The following TTN variants were observed in gnomAD, a reference collection of about 807,000 sequenced individuals.
TTN encodes titin.
A neutral mutation model predicts 3,223.0 loss-of-function variants in TTN; 1,525 were observed. The ratio of observed to expected loss-of-function variants is 0.47; its 90% CI spans 0.45 to 0.49. The LOEUF is 0.49. TTN is among the 20% of genes least tolerant of loss of function. The pLI is 0.00. For missense variants in TTN, 40,786 were observed against 43,424.0 expected (o/e 0.94, Z 5.40); for synonymous variants, 14,094 against 15,161.0 (o/e 0.93, Z 5.17).
Position 178,539,820 on chromosome 2 carries a change from C to T in TTN, c.98245G>A (p.Ala32749Thr), listed in dbSNP as rs1693506739. 6.2e-7 allele frequency: 1 copy of T among 1,613,874 alleles called. No individual in the cohort carries two copies. Among genetic ancestry groups the T allele is most frequent in the Non-Finnish European group, 8.5e-7 (1 of 1,179,790 alleles). ...TKEGQDISKR[A>T]MIATSETHTE... ...TGTGTTTCAGATGTTGCAATCATGGCACGCTTACTAATATCCTGGCCTTCC... is the reference window on the plus strand; with the variant it reads ...TGTGTTTCAGATGTTGCAATCATGGTACGCTTACTAATATCCTGGCCTTCC... Residue 32749 changes from alanine to threonine, a missense_variant, in exon 352 of 363, where the codon GCC (alanine) becomes ACC (threonine). Transcript: ENST00000589042.
chr2:178,650,980 C>CTGT, intron 208 of TTN, 146 bp from the exon 209 acceptor site: 2 of 882,434 alleles, frequency 2.3e-6, no homozygotes, highest in South Asian at 3.4e-5. Context: ...GTCTTTGGAC[C>CTGT]CTCATATAGT....
Position 178,679,420 on chromosome 2 carries a change from T to A in TTN, c.33665-4A>T. The A allele has an allele frequency of 1.9e-6, 3 of 1,612,036 alleles. No individual in the cohort carries two copies. Among genetic ancestry groups the A allele is most frequent in the Non-Finnish European group, 2.5e-6 (3 of 1,178,952 alleles). The stretch of plus-strand genomic sequence containing the variant: ...GGCTTCTTAGGAACCTCAGGCACTT[T>A]AAAGATATTGTTTATTGTTAAGTTC... On this transcript the variant is annotated splice_region_variant and splice_polypyrimidine_tract_variant and intron_variant, in intron 141 of 362. Coordinates refer to ENST00000589042, the MANE Select transcript of TTN (RefSeq NM_001267550.2).
At position 178,535,999 on chromosome 2, in the gene TTN, G is replaced by T; in HGVS notation, c.100748C>A (p.Ala33583Asp). ...ATTTTTACCTTCCACTTCCAAGGAG[G>T]CAGTGCCAGACACAGATCCCCCTTG... ...TNQGGSVSGTASLEVEVPAKI... is the reference protein window; with the variant it reads ...TNQGGSVSGTDSLEVEVPAKI... The change falls in exon 357 of 363, where the codon GCC (alanine) becomes GAC (aspartate). Residue 33583 changes from alanine to aspartate, a missense_variant. Transcript: ENST00000589042. 2 of 1,535,060 alleles carry T rather than the reference G, an allele frequency of 1.3e-6. No individual in the cohort carries two copies. The highest frequency in any genetic ancestry group is 1.3e-5 in the South Asian group (1 of 76,172).
rs187301656 is a variant in TTN at position 178,550,264 on chromosome 2, A to G, written c.91574T>C (p.Ile30525Thr). Reference sequence around the variant, plus strand: ...AAAGTATTCAGGGCCAAACTCTACTATTGGTGGAACTATAAAAGAAAGAGA... The same window carrying G: ...AAAGTATTCAGGGCCAAACTCTACTGTTGGTGGAACTATAAAAGAAAGAGA... ...IMTRDENVPP[I>T]VEFGPEYFDG... Residue 30525 changes from isoleucine (I) to threonine (T), a missense_variant, in exon 337 of 363, where the codon ATA becomes ACA. By Grantham distance (89) the Ile-to-Thr change is moderately conservative. Transcript: ENST00000589042. The G allele has an allele frequency of 1.2e-6, 2 of 1,608,134 alleles. No homozygotes were observed. Among genetic ancestry groups the G allele is most frequent in the East Asian group, 2.2e-5 (1 of 44,798 alleles).
intron 47 of TTN, chr2:178,749,494 T>A: frequency 6.2e-7 from 1 of 1,612,900 alleles, no homozygotes; most frequent in Non-Finnish European, 8.5e-7. Flanking sequence ...TTACTGAATA[T>A]TCTTTTACAT....
At chr2:178,746,318 G>T (rs1574169529) in intron 47 of TTN, 1 of 1,612,334 alleles carries the variant, frequency 6.2e-7, no homozygotes, top group Non-Finnish European at 8.5e-7. Context: ...TCCCTCCCTT[G>T]AATCCATATT....
rs1461818483 is a variant in TTN at position 178,530,409 on chromosome 2, T to C, written c.106206A>G (p.Ser35402=). 2 of 1,613,904 alleles carry C rather than the reference T, an allele frequency of 1.2e-6. No individual in the cohort carries two copies. The highest frequency in any genetic ancestry group is 2.7e-5 in the African/African-American group (2 of 74,946). Residue 35402 remains serine, a synonymous_variant, in exon 358 of 363, where the codon TCA becomes TCG. Coordinates refer to ENST00000589042, the MANE Select transcript of TTN (RefSeq NM_001267550.2). ...TTGGTTCAGTTTTTCTGGTTACTGT[T>C]GACTCAGTGGTTTTCTGATCTGATT... ...TKKSDQKTTE[S]TVTRKTEPKA...
chr2:178,570,178 C>A lies in TTN; in HGVS notation c.75954G>T (p.Lys25318Asn), dbSNP rs1001852514. 51 of 1,613,354 alleles carry A rather than the reference C, an allele frequency of 3.2e-5. No individual in the cohort carries two copies. Among genetic ancestry groups the A allele is most frequent in the Non-Finnish European group, 4.2e-5 (50 of 1,179,626 alleles). ...PKAPEVTTVTKDSMIVVWERP... is the reference protein window; with the variant it reads ...PKAPEVTTVTNDSMIVVWERP... ...TTTCCCATACAACAATCATTGAGTC[C>A]TTGGTCACTGTTGTGACTTCTGGAG... is the stretch of plus-strand genomic sequence containing the variant. The change falls in exon 326 of 363, where the codon AAG (lysine) becomes AAT (asparagine). Residue 25318 changes from lysine (K) to asparagine (N), a missense_variant. Physicochemically the swap from Lys to Asn is moderately conservative, Grantham distance 94. Coordinates refer to ENST00000589042, the MANE Select transcript of TTN (RefSeq NM_001267550.2).
intron 47 of TTN, chr2:178,748,756 C>T (rs755788329): frequency 1.2e-5 from 19 of 1,612,288 alleles, no homozygotes; most frequent in East Asian, 6.7e-5. Context: ...CCTGTTGTTC[C>T]CTTTCTTGTG....
rs374479236 is a variant in TTN, at chr2:178,794,912, C to G, written c.1245+10G>C. The stretch of plus-strand genomic sequence containing the variant: ...TGAAATAAGGAAAAACAAAACCATT[C>G]TGACAGTACCTCTTTAGCACCAGTG... On this transcript the variant is annotated intron_variant, in intron 7 of 362. Coordinates refer to ENST00000589042, the MANE Select transcript of TTN (RefSeq NM_001267550.2). 6.2e-7 allele frequency: 1 copy of G among 1,600,498 alleles called. No individual in the cohort carries two copies. The highest frequency in any genetic ancestry group is 8.5e-7 in the Non-Finnish European group (1 of 1,179,922).
rs2056805723 is a variant in TTN at position 178,613,894 on chromosome 2, A to G, written c.49389T>C (p.Thr16463=). Residue 16463 remains threonine, a synonymous_variant, in exon 263 of 363, where the codon ACT becomes ACC. Coordinates refer to ENST00000589042, the MANE Select transcript of TTN (RefSeq NM_001267550.2). ...ACCATGTGAGAGTCACTGCGTCTTT[A>G]GTGATATCAGAAGGTTCTAGGCGAG... ...PPTRLEPSDI[T]KDAVTLTWCE... 2 of 1,610,516 alleles carry G rather than the reference A, an allele frequency of 1.2e-6. No homozygotes were observed. The highest frequency in any genetic ancestry group is 1.7e-6 in the Non-Finnish European group (2 of 1,178,262).
chr2:178,630,689 T>A, intron 238 of TTN, 115 bp downstream of exon 238: 1 of 1,458,614 alleles, frequency 6.9e-7, no homozygotes, highest in Non-Finnish European at 9.3e-7. Context: ...GCTTAGGGTC[T>A]GATAGAGAAA....
chr2:178,681,850 A>G (rs1560339294), intron 135 of TTN, 112 bp from the exon 136 acceptor site: 2 of 846,698 alleles, frequency 2.4e-6, no homozygotes, highest in East Asian at 6.3e-5. Context: ...GTATAGCCAT[A>G]GCCTATTGAA....
Position 178,547,215 on chromosome 2 carries a change from C to A in TTN, c.94310G>T (p.Gly31437Val), listed in dbSNP as rs1313606225. Residue 31437 changes from glycine (G) to valine (V), a missense_variant, in exon 340 of 363, where the codon GGC (glycine) becomes GTC (valine). By Grantham distance (109) the Gly-to-Val change is moderately radical. Transcript: ENST00000589042. ...AACCCAGTAGCCAATGATTTTACTG[C>A]CACCATCGTGGTAGGGTTCTTCCCA... is the stretch of plus-strand genomic sequence containing the variant. ...IRWEEPYHDG[G>V]SKIIGYWVEK... 3.7e-6 allele frequency: 6 copies of A among 1,613,682 alleles called. No individual in the cohort carries two copies. The highest frequency in any genetic ancestry group is 5.1e-6 in the Non-Finnish European group (6 of 1,179,760).
rs572145452 is a variant in TTN at position 178,719,019 on chromosome 2, C to T, written c.24227-46G>A. 17 of 1,529,454 alleles carry T rather than the reference C, an allele frequency of 1.1e-5. No homozygotes were observed. In the African/African-American group the frequency reaches 2.2e-4, roughly 20 times the overall value. 94.7% of individuals were successfully genotyped at this position (1,529,454 alleles called of 1,614,324 possible). On this transcript the variant is annotated intron_variant, in intron 83 of 362. Transcript: ENST00000589042. ...GGGGAGATAAAGAGAAGAAAGAAATCCAAGTGAGAAGTGCTTTTGCTCCTT... is the reference window on the plus strand; with the variant it reads ...GGGGAGATAAAGAGAAGAAAGAAATTCAAGTGAGAAGTGCTTTTGCTCCTT...
In TTN at chr2:178,767,902, A is replaced by C. The variant is rs2090779143; in HGVS notation, c.9328T>G (p.Tyr3110Asp). 2 of 1,613,884 alleles carry C rather than the reference A, an allele frequency of 1.2e-6. No homozygotes were observed. Among genetic ancestry groups the C allele is most frequent in the African/African-American group, 2.7e-5 (2 of 74,888 alleles). Residue 3110 changes from tyrosine to aspartate, a missense_variant, in exon 40 of 363, where the codon TAT becomes GAT. By Grantham distance (160) the Tyr-to-Asp change is radical. Coordinates refer to ENST00000589042, the MANE Select transcript of TTN (RefSeq NM_001267550.2). ...TDRIKIQKEK[Y>D]VHRLLIPSTR... ...GATGGGATCAGAAGGCGGTGGACAT[A>C]TTTCTCCTTCTGAATCTTTATTCTA...
At position 178,613,879 on chromosome 2, in the gene TTN, A is replaced by G; in HGVS notation, c.49404T>C (p.Thr16468=). ...CATCATCTGGCTCACACCATGTGAGAGTCACTGCGTCTTTAGTGATATCAG... is the reference window on the plus strand; with the variant it reads ...CATCATCTGGCTCACACCATGTGAGGGTCACTGCGTCTTTAGTGATATCAG... ...EPSDITKDAV[T]LTWCEPDDDG... is the part of the protein sequence containing the mutation. Residue 16468 remains threonine, a synonymous_variant, in exon 263 of 363, where the codon ACT becomes ACC. Transcript: ENST00000589042. 6.2e-7 allele frequency: 1 copy of G among 1,611,270 alleles called. No homozygotes were observed. The highest frequency in any genetic ancestry group is 8.5e-7 in the Non-Finnish European group (1 of 1,178,630).
In TTN at chr2:178,559,673, G is replaced by C. The variant is rs1212262872; in HGVS notation, c.86459C>G (p.Ser28820Cys). The change falls in exon 326 of 363, where the codon TCT becomes TGT. Residue 28820 changes from serine to cysteine, a missense_variant. Coordinates refer to ENST00000589042, the MANE Select transcript of TTN (RefSeq NM_001267550.2). ...CTGAATTGTTAATGTGTACTTTCCAGAGTCATTTCTGTTGGCATTTTCAAT... is the reference window on the plus strand; with the variant it reads ...CTGAATTGTTAATGTGTACTTTCCACAGTCATTTCTGTTGGCATTTTCAAT... ...LTIENANRND[S>C]GKYTLTIQNV... 6.2e-7 allele frequency: 1 copy of C among 1,611,796 alleles called. No homozygotes were observed. Among genetic ancestry groups the C allele is most frequent in the African/African-American group, 1.3e-5 (1 of 74,962 alleles).
At position 178,572,569 on chromosome 2, in the gene TTN, G is replaced by C. The variant is rs756809007; in HGVS notation, c.73563C>G (p.Gly24521=). 7 of 1,613,428 alleles carry C rather than the reference G, an allele frequency of 4.3e-6. No homozygotes were observed. The highest frequency in any genetic ancestry group is 5.9e-6 in the Non-Finnish European group (7 of 1,179,606). The change falls in exon 326 of 363, where the codon GGC becomes GGG. Residue 24521 remains glycine, a synonymous_variant. Transcript: ENST00000589042. ...FVNVRVLDTP[G]PPQDLKVKEV... ...CTTTTACCTTCAGATCCTGTGGGGG[G>C]CCTGGTGTATCGAGAACTCTAACAT...
Sources: allele counts gnomAD v4.1 joint callset, GRCh38; gene constraint gnomAD v4.1.1; transcripts MANE v1.5; gene names NCBI Gene and HGNC (gene_info 2026-07-23, HGNC 2026-07-21).